The following COL19A1 variants were observed in gnomAD, a reference collection of about 807,000 sequenced individuals.
COL19A1 encodes the protein collagen type XIX alpha 1 chain, also known as collagen alpha-1(XIX) chain.
In COL19A1, 159 loss-of-function variants were observed where a neutral mutation model predicts 190.2. The observed-to-expected ratio is 0.84, with a 90% CI of 0.73 to 0.95. The LOEUF is 0.95. Ranked by LOEUF, COL19A1 falls within the 40% of genes least tolerant of loss-of-function variation. The pLI, the probability that COL19A1 is intolerant of heterozygous loss-of-function variation, is 0.00. For missense variants in COL19A1, 1,418 were observed against 1,431.9 expected (o/e 0.99, Z 0.16); for synonymous variants, 509 against 458.9 (o/e 1.11, Z -1.39).
At chr6:69,973,390 C>T (rs1443803328) in intron 11 of COL19A1, among the ~76,000 whole-genome samples, 1 of 152,148 alleles carries the variant, frequency 6.6e-6, no homozygotes, top group Non-Finnish European at 1.5e-5. Context: ...ATTTGTTTGA[C>T]TTACCTCCCA....
At chr6:70,141,835 G>A in intron 20 of COL19A1, 58 bp from the exon 21 acceptor site, 1 of 1,093,514 alleles carries the variant, frequency 9.1e-7, no homozygotes, top group Non-Finnish European at 1.4e-6. Flanking sequence ...AAGTATCAGA[G>A]ATGTCCATTT....
chr6:69,995,678 A>G (rs1195154726), intron 11 of COL19A1, among the ~76,000 whole-genome samples: 4 of 152,194 alleles, frequency 2.6e-5, no homozygotes, highest in East Asian at 3.8e-4. Context: ...ACTATTAACT[A>G]GATCTTAGAA....
At chr6:70,092,376 A>C (rs920545002) in intron 15 of COL19A1, among the ~76,000 whole-genome samples, 3 of 152,170 alleles carry the variant, frequency 2.0e-5, no homozygotes, top group Non-Finnish European at 4.4e-5. Flanking sequence ...TGCCTGTTGC[A>C]AATAATTGTC....
chr6:69,949,206 G>A (rs1334150905), intron 9 of COL19A1, among the ~76,000 whole-genome samples: 1 of 151,714 alleles, frequency 6.6e-6, no homozygotes, highest in Non-Finnish European at 1.5e-5. Context: ...TTGGTTCCCG[G>A]ATTCACACAT....
rs762680989 is a variant in COL19A1, at chr6:70,156,196, G to A, written c.2149G>A (p.Gly717Ser). Residue 717 changes from glycine to serine, a missense_variant, in exon 32 of 51, where the codon GGT becomes AGT. Gly to Ser is a moderately conservative substitution (Grantham distance 56, BLOSUM62 0). Transcript: ENST00000620364. The stretch of plus-strand genomic sequence containing the variant: ...CAACAAAGGAGAAGAAGGAGGTGCT[G>A]GTGAGCCTGGAAAGTATGATTCCAT... ...KSNKGEEGGAGEPGKYDSMAR... is the reference protein window; with the variant it reads ...KSNKGEEGGASEPGKYDSMAR... 1 of 1,613,358 alleles carries A rather than the reference G, an allele frequency of 6.2e-7. No individual in the cohort carries two copies. Among genetic ancestry groups the A allele is most frequent in the Non-Finnish European group, 8.5e-7 (1 of 1,179,574 alleles).
At chr6:69,983,883 C>T (rs1352275918) in intron 11 of COL19A1, among the ~76,000 whole-genome samples, 1 of 151,820 alleles carries the variant, frequency 6.6e-6, no homozygotes, top group Non-Finnish European at 1.5e-5. Flanking sequence ...ATTTTTGCAC[C>T]TATGTTTATA....
intron 4 of COL19A1, among the ~76,000 whole-genome samples, chr6:69,912,071 A>G (rs1770964495): frequency 6.6e-6 from 1 of 152,120 alleles, no homozygotes; most frequent in Admixed American, 6.5e-5. Flanking sequence ...GTGTTGCACT[A>G]AACTTCCTTT....
At chr6:70,098,943 G>T (rs759634477) in intron 15 of COL19A1, among the ~76,000 whole-genome samples, 1 of 151,374 alleles carries the variant, frequency 6.6e-6, no homozygotes. Flanking sequence ...CCTAAGAAAG[G>T]TGCCATGGCT....
In COL19A1 at chr6:70,078,751, T is replaced by C. The variant is rs200721328; in HGVS notation, c.1224+10275T>C. 5.9e-5 allele frequency among the ~76,000 whole-genome samples: 9 copies of C among 152,150 alleles called. No homozygotes were observed. In the East Asian group the frequency reaches 1.4e-3, roughly 23 times the overall value. On this transcript the variant is annotated intron_variant, in intron 15 of 50. Coordinates refer to ENST00000620364, the MANE Select transcript of COL19A1 (RefSeq NM_001858.6). ...CTTTTGAGTGAAAGTGAAGACATGA[T>C]TTTAAAAAGAACTTTGATAATATTA...
intron 41 of COL19A1, among the ~76,000 whole-genome samples, chr6:70,173,045 G>A (rs747329927): frequency 6.6e-6 from 1 of 152,168 alleles, no homozygotes; most frequent in Non-Finnish European, 1.5e-5. Flanking sequence ...AGTCAAACAC[G>A]AACTTCAGTT....
intron 14 of COL19A1, among the ~76,000 whole-genome samples, chr6:70,044,522 A>G (rs986719541): frequency 1.3e-5 from 2 of 152,172 alleles, no homozygotes; most frequent in Non-Finnish European, 2.9e-5. Flanking sequence ...AAAATGAGAG[A>G]TGCGCAACTC....
At chr6:70,190,270 T>G (rs1450875491) in intron 47 of COL19A1, 45 bp from the exon 48 acceptor site, 1 of 1,384,794 alleles carries the variant, frequency 7.2e-7, no homozygotes, top group Non-Finnish European at 1.0e-6. Context: ...CTTTATTCAT[T>G]TGTGCTATGC....
At chr6:70,090,194 T>C (rs1484007348) in intron 15 of COL19A1, among the ~76,000 whole-genome samples, 3 of 151,914 alleles carry the variant, frequency 2.0e-5, no homozygotes, top group African/African-American at 7.3e-5. Context: ...AAAAAAGATT[T>C]GCACATGGAA....
At chr6:70,045,013 A>G (rs1171945234) in intron 14 of COL19A1, among the ~76,000 whole-genome samples, 1 of 152,006 alleles carries the variant, frequency 6.6e-6, no homozygotes, top group East Asian at 1.9e-4. Context: ...AATACTTTTA[A>G]TAGCTACTTT....
At chr6:69,897,811 A>G (rs1292934486) in intron 2 of COL19A1, among the ~76,000 whole-genome samples, 1 of 152,214 alleles carries the variant, frequency 6.6e-6, no homozygotes, top group African/African-American at 2.4e-5. Context: ...GCTAAGTAAT[A>G]TCTAAAAGTA....
chr6:69,947,190 A>G (rs1773872208), intron 9 of COL19A1, among the ~76,000 whole-genome samples: 1 of 151,894 alleles, frequency 6.6e-6, no homozygotes, highest in Admixed American at 6.6e-5. Context: ...GCAGACAAAA[A>G]TTAGGCAGTT....
chr6:70,160,947 G>A (rs1352072643), intron 34 of COL19A1, among the ~76,000 whole-genome samples: 1 of 151,984 alleles, frequency 6.6e-6, no homozygotes, highest in African/African-American at 2.4e-5. Flanking sequence ...GTTATAAATT[G>A]TATGTAATTT....
intron 11 of COL19A1, among the ~76,000 whole-genome samples, chr6:69,967,094 A>C (rs1430782445): frequency 1.3e-5 from 2 of 152,248 alleles, no homozygotes; most frequent in African/African-American, 2.4e-5. Context: ...ACTTAACTGC[A>C]GAACCTATTG....
At chr6:69,978,836 A>T (rs967980144) in intron 11 of COL19A1, among the ~76,000 whole-genome samples, 1 of 151,764 alleles carries the variant, frequency 6.6e-6, no homozygotes, top group African/African-American at 2.4e-5. Flanking sequence ...CAAAGAATTA[A>T]ATTATTCTAT....
Sources: allele counts gnomAD v4.1 joint callset (sites outside exome capture counted in the v4.1 genomes callset), GRCh38; gene constraint gnomAD v4.1.1; transcripts MANE v1.5; gene names NCBI Gene and HGNC (gene_info 2026-07-23, HGNC 2026-07-21).